CFAP74: variants seen among roughly 807,000 people sequenced by gnomAD.
CFAP74 encodes cilia and flagella associated protein 74.
A neutral mutation model predicts 188.9 loss-of-function variants in CFAP74; 124 were observed. The ratio of observed to expected loss-of-function variants is 0.66; its 90% CI spans 0.57 to 0.76. The LOEUF (loss-of-function observed/expected upper bound fraction) is 0.76. Among genes scored for constraint, CFAP74 ranks in the 30% least tolerant of loss-of-function variants. CFAP74 has a pLI of 0.00. For synonymous variants in CFAP74, 956 were observed against 916.7 expected (o/e 1.04, Z -0.77); for missense variants, 2,198 against 2,165.2 (o/e 1.02, Z -0.30).
chr1:1,943,969 G>T (rs1293744790), intron 21 of CFAP74, among the ~76,000 whole-genome samples: 1 of 152,132 alleles, frequency 6.6e-6, no homozygotes, highest in Non-Finnish European at 1.5e-5. Flanking sequence ...CTTCAAATCG[G>T]CCTGACTCTG....
At position 1,972,077 on chromosome 1, in the gene CFAP74, C is replaced by T. The variant is rs1188513901; in HGVS notation, c.791G>A (p.Arg264Gln). 3.1e-6 allele frequency: 5 copies of T among 1,611,514 alleles called. No homozygotes were observed. The highest frequency in any genetic ancestry group is 2.2e-5 in the South Asian group (2 of 91,074). The change falls in exon 9 of 39, where the codon CGA becomes CAA. Residue 264 changes from arginine to glutamine, a missense_variant. Physicochemically the swap from Arg to Gln is conservative, Grantham distance 43. Transcript: ENST00000682832. ...CATCTCCTCCTTCTTCTCTTGCTCT[C>T]GGATTCTGAGGAAGGACATTTAAAC... is the stretch of plus-strand genomic sequence containing the variant. Reference protein sequence around the residue: ...RFLKASLGRIREQEKKEEMEC... With the variant: ...RFLKASLGRIQEQEKKEEMEC...
rs886422067 is a variant in CFAP74, at chr1:1,955,135, G to A, written c.2176+556C>T. 1.1e-5 allele frequency: 14 copies of A among 1,237,712 alleles called. No individual in the cohort carries two copies. The African/African-American group carries it at 2.0e-4, about 17-fold the overall frequency. The allele number at this position is 1,237,712 out of a possible 1,614,324, so 76.7% of individuals were successfully genotyped here. A position where few individuals can be genotyped will look rare whatever the true frequency, so the allele number is the denominator to read the frequency against. ...AGCTCCGCGCTGAGCTGCAGGGCGT[G>A]CGGAACGCGCACCACGCGAAGACAG... On this transcript the variant is annotated intron_variant, in intron 18 of 38. Coordinates refer to ENST00000682832, the MANE Select transcript of CFAP74 (RefSeq NM_001304360.2).
chr1:1,971,108 T>C (rs1655978633), intron 9 of CFAP74, among the ~76,000 whole-genome samples: 1 of 130,254 alleles, frequency 7.7e-6, no homozygotes, highest in African/African-American at 3.1e-5. Context: ...TGCACACGTG[T>C]GCACACACAT....
At chr1:1,929,687 C>G (rs59997390) in intron 26 of CFAP74, among the ~76,000 whole-genome samples, 9,848 of 151,754 alleles carry the variant, frequency 0.065, 467 homozygotes, top group South Asian at 0.2. Flanking sequence ...TGGGAGTGGC[C>G]GACACCTTGT....
rs560106447 is a variant in CFAP74 at position 1,981,059 on chromosome 1, G to A, written c.500+4327C>T. Among the ~76,000 whole-genome samples the A allele has an allele frequency of 2.8e-3, 428 of 152,322 alleles. 3 individuals are homozygous for A. The highest frequency in any genetic ancestry group is 9.7e-3 in the African/African-American group (403 of 41,572). ...CCCAGAGCCACAACGGAGGCCTCCC[G>A]GGACCGACGCTGGAAGCGGGGACCA... On this transcript the variant is annotated intron_variant, in intron 6 of 38. Transcript: ENST00000682832.
intron 9 of CFAP74, among the ~76,000 whole-genome samples, chr1:1,971,233 GCA>G (rs759557064): frequency 1.5e-4 from 21 of 143,358 alleles, no homozygotes; most frequent in South Asian, 4.4e-4. Context: ...GTGCACGCCT[GCA>G]CACACATGCA....
chr1:1,927,310 C>T (rs1320187506), intron 28 of CFAP74: 1 of 576,716 alleles, frequency 1.7e-6, no homozygotes, highest in Non-Finnish European at 3.1e-6. Context: ...GGGCCACAGG[C>T]ACCCATTAGA....
chr1:1,956,176 T>C (rs1019106085), intron 17 of CFAP74, among the ~76,000 whole-genome samples: 4 of 152,242 alleles, frequency 2.6e-5, no homozygotes, highest in African/African-American at 9.6e-5. Flanking sequence ...GGCTAGAGGC[T>C]GAGGCTTCTC....
intron 33 of CFAP74, 88 bp from the exon 34 acceptor site, chr1:1,924,608 T>C (rs941824753): frequency 1.4e-6 from 2 of 1,445,040 alleles, no homozygotes; most frequent in Non-Finnish European, 1.9e-6. Flanking sequence ...TGGCTGGTGC[T>C]ATGAGGCCAC....
Position 1,988,950 on chromosome 1 carries a change from C to T in CFAP74, c.91G>A (p.Glu31Lys). The T allele has an allele frequency of 1.3e-6, 2 of 1,583,590 alleles. No homozygotes were observed. The highest frequency in any genetic ancestry group is 1.7e-6 in the Non-Finnish European group (2 of 1,160,786). ...EDERDELEDP[E>K]FDIKCLLQEA... ...TGTAGAAGACATTTGATGTCAAACT[C>T]CGGATCCTCTAATTCATCTCTTTCT... Residue 31 changes from glutamate (E) to lysine (K), a missense_variant, in exon 3 of 39, where the codon GAG becomes AAG. By Grantham distance (56) the Glu-to-Lys change is moderately conservative. Coordinates refer to ENST00000682832, the MANE Select transcript of CFAP74 (RefSeq NM_001304360.2).
chr1:1,923,119 G>A lies in CFAP74; in HGVS notation c.4549C>T (p.Pro1517Ser). Residue 1517 changes from proline to serine, a missense_variant, in exon 37 of 39, where the codon CCA becomes TCA. Coordinates refer to ENST00000682832, the MANE Select transcript of CFAP74 (RefSeq NM_001304360.2). The surrounding 1 kb of genome is among the most constrained non-coding windows in gnomAD (Gnocchi z 6.3). ...ATGGGCCTCAGCTCCTCAGCTTCTG[G>A]AGAGAGAGGGCCTGGCCGGGAGCTG... ...EASSRPGPLSPEAEELRPILV... is the reference protein window; with the variant it reads ...EASSRPGPLSSEAEELRPILV... The A allele has an allele frequency of 1.2e-6, 2 of 1,609,348 alleles. No homozygotes were observed. The highest frequency in any genetic ancestry group is 1.7e-6 in the Non-Finnish European group (2 of 1,178,776).
At chr1:1,933,896 T>C (rs1164351526) in intron 25 of CFAP74, among the ~76,000 whole-genome samples, 2 of 152,222 alleles carry the variant, frequency 1.3e-5, no homozygotes, top group Admixed American at 1.3e-4. Flanking sequence ...CACCCTCTTT[T>C]CTAATATCTG....
At chr1:1,940,435 C>T (rs1423968553) in intron 22 of CFAP74, 32 bp from the exon 23 acceptor site, 7 of 1,424,628 alleles carry the variant, frequency 4.9e-6, no homozygotes, top group Non-Finnish European at 6.6e-6. Context: ...AATGTGCTTT[C>T]CTCTTTCCAT....
At chr1:1,985,829 G>T (rs140353630) in intron 5 of CFAP74, among the ~76,000 whole-genome samples, 1 of 152,226 alleles carries the variant, frequency 6.6e-6, no homozygotes, top group Non-Finnish European at 1.5e-5. Context: ...AAGCCCTCGC[G>T]TCAGGGCGCC....
chr1:1,927,084 A>G (rs1237497710), intron 28 of CFAP74, 56 bp from the exon 29 acceptor site: 3 of 1,544,890 alleles, frequency 1.9e-6, no homozygotes, highest in Non-Finnish European at 2.6e-6. Flanking sequence ...CCATCGGCCC[A>G]GGCCGGACCC....
At chr1:1,985,279 C>G in intron 6 of CFAP74, 107 bp downstream of exon 6, 1 of 892,204 alleles carries the variant, frequency 1.1e-6, no homozygotes, top group South Asian at 1.4e-5. Flanking sequence ...CGCAGTTTGC[C>G]GGTCAGGTGC....
intron 1 of CFAP74, among the ~76,000 whole-genome samples, chr1:2,001,120 G>A (rs1658183454): frequency 2.0e-5 from 3 of 152,150 alleles, no homozygotes; most frequent in South Asian, 2.1e-4. Context: ...GCCGGTGTGC[G>A]TGGCTGAGGC....
In CFAP74 at chr1:1,970,706, C is replaced by T; in HGVS notation, c.999G>A (p.Arg333=). The T allele has an allele frequency of 6.2e-7, 1 of 1,613,956 alleles. No homozygotes were observed. Among genetic ancestry groups the T allele is most frequent in the Non-Finnish European group, 8.5e-7 (1 of 1,179,928 alleles). The change falls in exon 10 of 39, where the codon AGG becomes AGA. Residue 333 remains arginine, a synonymous_variant. Coordinates refer to ENST00000682832, the MANE Select transcript of CFAP74 (RefSeq NM_001304360.2). ...GGCGCCGGCGCTGGTGGACAAGGTGCCTGAATGCATCCCTGCCCTGGGCCA... is the reference window on the plus strand; with the variant it reads ...GGCGCCGGCGCTGGTGGACAAGGTGTCTGAATGCATCCCTGCCCTGGGCCA... ...AILAQGRDAF[R]HLVHQRRRQE...
rs567861539 is a variant in CFAP74, at chr1:1,975,729, C to T, written c.501-1531G>A. On this transcript the variant is annotated intron_variant, in intron 6 of 38. Transcript: ENST00000682832. The surrounding 1 kb of genome is among the most constrained non-coding windows in gnomAD (Gnocchi z 4.5). ...GCGGGTTATTTCTATTCCTCCCTCG[C>T]GTGACTCATGAAATTCTTTAATCTG... is the stretch of plus-strand genomic sequence containing the variant. 2.0e-5 allele frequency among the ~76,000 whole-genome samples: 3 copies of T among 152,246 alleles called. No homozygotes were observed. Among genetic ancestry groups the T allele is most frequent in the South Asian group, 4.1e-4 (2 of 4,822 alleles).
Sources: allele counts gnomAD v4.1 joint callset (sites outside exome capture counted in the v4.1 genomes callset), GRCh38; gene constraint gnomAD v4.1.1; non-coding constraint Gnocchi (gnomAD v3.1); transcripts MANE v1.5; gene names NCBI Gene and HGNC (gene_info 2026-07-23, HGNC 2026-07-21).